REPS2: variants seen among roughly 807,000 people sequenced by gnomAD.
REPS2 encodes the protein RALBP1 associated Eps domain containing 2.
REPS2 carries 23 observed loss-of-function variants against 53.6 expected under a neutral mutation model. The observed-to-expected ratio is 0.43, with a 90% CI of 0.31 to 0.61. REPS2 has a LOEUF of 0.61. REPS2 is among the 20% of genes least tolerant of loss of function. REPS2 has a pLI of 0.11. For missense variants in REPS2, 446 were observed against 534.9 expected, an observed-to-expected ratio of 0.83 and a Z score of 1.64; for synonymous variants, 238 against 218.6, an observed-to-expected ratio of 1.09 and a Z score of -0.78.
Position 17,118,707 on chromosome X carries a change from C to T in REPS2, c.1578+14928C>T, listed in dbSNP as rs1325922256. Among the ~76,000 whole-genome samples, 3 of 112,078 alleles carry T rather than the reference C, an allele frequency of 2.7e-5. No homozygotes were observed. The Admixed American group carries it at 2.8e-4, about 11-fold the overall frequency. The stretch of plus-strand genomic sequence containing the variant: ...AGTAAAAGTTGATTAAATTTCTACA[C>T]TCTGTGCCCACCAATAATTTTCTAA... On this transcript the variant is annotated intron_variant, in intron 14 of 17. Transcript: ENST00000357277.
intron 15 of REPS2, among the ~76,000 whole-genome samples, chrX:17,134,843 C>T (rs1171495877): frequency 5.4e-5 from 6 of 110,312 alleles, no homozygotes; most frequent in Non-Finnish European, 3.8e-5. Flanking sequence ...AGGATGGTCT[C>T]GATCTCCTGA....
intron 1 of REPS2, among the ~76,000 whole-genome samples, chrX:16,998,432 T>C (rs1444651279): frequency 8.9e-6 from 1 of 112,238 alleles, no homozygotes; most frequent in Non-Finnish European, 1.9e-5. Context: ...TGCATCTATA[T>C]TCAACCCCAT....
At chrX:17,123,022 T>C (rs1190024265) in intron 14 of REPS2, among the ~76,000 whole-genome samples, 1 of 112,500 alleles carries the variant, frequency 8.9e-6, no homozygotes, top group African/African-American at 3.2e-5. Context: ...CATTTGTTAT[T>C]ATTGCCAGGC....
rs775185058 is a variant in REPS2 at position 17,133,944 on chromosome X, C to T, written c.1662+37C>T. The T allele has an allele frequency of 3.0e-5, 31 of 1,022,379 alleles. No homozygotes were observed. In the East Asian group the frequency reaches 4.9e-4, roughly 16 times the overall value. The allele number at this position is 1,022,379 out of a possible 1,213,427, so 84.3% of individuals were successfully genotyped here. On this transcript the variant is annotated intron_variant, in intron 15 of 17. Coordinates refer to ENST00000357277, the MANE Select transcript of REPS2 (RefSeq NM_004726.3). Reference sequence around the variant, plus strand: ...CTGAGGATGCTGTCAGATGGCGTTGCGAGTCCCACCCCGGGCTTCTTATCT... The same window carrying T: ...CTGAGGATGCTGTCAGATGGCGTTGTGAGTCCCACCCCGGGCTTCTTATCT...
At chrX:17,008,049 T>C (rs2061384057) in intron 2 of REPS2, among the ~76,000 whole-genome samples, 1 of 112,384 alleles carries the variant, frequency 8.9e-6, no homozygotes, top group Non-Finnish European at 1.9e-5. Flanking sequence ...GGGAAAAATA[T>C]TGGACTTGAA....
intron 11 of REPS2, among the ~76,000 whole-genome samples, chrX:17,070,713 A>G (rs1277767838): frequency 8.9e-6 from 1 of 112,227 alleles, no homozygotes; most frequent in African/African-American, 3.2e-5. Flanking sequence ...TAATAAGTCA[A>G]TCATGTTTGT....
chrX:17,038,726 A>G (rs1188452198), intron 5 of REPS2, among the ~76,000 whole-genome samples: 2 of 112,294 alleles, frequency 1.8e-5, no homozygotes, highest in African/African-American at 6.5e-5. Context: ...CTCGTGACCC[A>G]GTCTCTACCA....
intron 13 of REPS2, among the ~76,000 whole-genome samples, chrX:17,091,781 T>C (rs1298800772): frequency 8.9e-6 from 1 of 111,805 alleles, no homozygotes; most frequent in Non-Finnish European, 1.9e-5. Context: ...TCAAGAGATA[T>C]GTATAAGGTC....
At chrX:17,161,710 T>C in the REPS2 span, among the ~76,000 whole-genome samples, 1 of 111,109 alleles carries the variant, frequency 9.0e-6, no homozygotes, top group African/African-American at 3.3e-5. Flanking sequence ...ATAATCAGTG[T>C]TATTTTAAGC....
chrX:16,968,843 C>T (rs2060828422), intron 1 of REPS2, among the ~76,000 whole-genome samples: 2 of 108,552 alleles, frequency 1.8e-5, no homozygotes, highest in East Asian at 3.1e-4. Flanking sequence ...CCACCTCCCT[C>T]CCGGACGGGG....
intron 1 of REPS2, among the ~76,000 whole-genome samples, chrX:17,000,097 A>G (rs1221222925): frequency 9.1e-6 from 1 of 109,317 alleles, no homozygotes; most frequent in African/African-American, 3.3e-5. Context: ...TGTGTGAACT[A>G]TTGCATAGAT....
At chrX:17,139,447 C>G (rs2063414984) in intron 17 of REPS2, among the ~76,000 whole-genome samples, 1 of 111,162 alleles carries the variant, frequency 9.0e-6, no homozygotes, top group African/African-American at 3.3e-5. Flanking sequence ...CCAGCCCCTC[C>G]TCTGGTGCCT....
intron 13 of REPS2, among the ~76,000 whole-genome samples, chrX:17,096,533 G>A (rs1320933093): frequency 9.9e-6 from 1 of 101,313 alleles, no homozygotes; most frequent in Non-Finnish European, 2.0e-5. Flanking sequence ...AGTGGCGGGC[G>A]CCTGTCGTCC....
rs1380909773 is a variant in REPS2, at chrX:17,077,525, C to T, written c.1516+118C>T. ...GAGCAGACCTGGCAGTTTCGCATTC[C>T]GTGAAGGTCTTCACGTGGCTATGGT... On this transcript the variant is annotated intron_variant, in intron 13 of 17. Coordinates refer to ENST00000357277, the MANE Select transcript of REPS2 (RefSeq NM_004726.3). 14 of 715,795 alleles carry T rather than the reference C, an allele frequency of 2.0e-5. No individual in the cohort carries two copies. In the East Asian group the frequency reaches 3.0e-4, roughly 15 times the overall value. 59.0% of individuals were successfully genotyped at this position (715,795 alleles called of 1,213,427 possible).
chrX:16,986,152 C>G (rs1315763480), intron 1 of REPS2, among the ~76,000 whole-genome samples: 1 of 112,048 alleles, frequency 8.9e-6, no homozygotes, highest in Non-Finnish European at 1.9e-5. Context: ...ACCTTTGGGA[C>G]TAGCATTCTT....
At chrX:17,068,565 T>C in intron 10 of REPS2, 94 bp downstream of exon 10, 2 of 642,023 alleles carry the variant, frequency 3.1e-6, no homozygotes, top group Non-Finnish European at 4.8e-6. Flanking sequence ...CATATGAGGG[T>C]GGTTCTCAGC....
At chrX:17,181,776 A>T in the REPS2 span, among the ~76,000 whole-genome samples, 1 of 112,068 alleles carries the variant, frequency 8.9e-6, no homozygotes, top group Non-Finnish European at 1.9e-5. Context: ...TTAAACTGAT[A>T]AAGGTAAGGC....
intron 13 of REPS2, among the ~76,000 whole-genome samples, chrX:17,085,477 G>A (rs1354132250): frequency 9.0e-6 from 1 of 111,593 alleles, no homozygotes; most frequent in African/African-American, 3.2e-5. Flanking sequence ...TTAGTATTGC[G>A]GTTTTAATAA....
chrX:17,190,622 A>G, the REPS2 span, among the ~76,000 whole-genome samples: 5 of 112,420 alleles, frequency 4.4e-5, no homozygotes, highest in African/African-American at 1.6e-4. Context: ...ATATGTATAA[A>G]CTGATTCTAA....
Sources: gnomAD v4.1 joint callset for allele counts (sites outside exome capture counted in the v4.1 genomes callset) on GRCh38, gnomAD v4.1.1 for gene constraint, MANE v1.5 for transcripts, NCBI Gene and HGNC (gene_info 2026-07-23, HGNC 2026-07-21) for gene names.